STPG2: variants seen among roughly 807,000 people sequenced by gnomAD.
STPG2 encodes the protein sperm tail PG-rich repeat containing 2.
STPG2 carries 56 observed loss-of-function variants against 54.2 expected under a neutral mutation model. The observed-to-expected ratio is 1.03, with a 90% confidence interval of 0.83 to 1.29. The LOEUF is 1.29. Ranked by LOEUF, STPG2 falls within the 50% of genes most tolerant of loss-of-function variation. STPG2 has a pLI of 0.00. For synonymous variants in STPG2, 200 were observed against 181.8 expected (o/e 1.10, Z -0.81); for missense variants, 596 against 544.9 (o/e 1.09, Z -0.93).
At chr4:97,755,160 A>C (rs1725690675) in intron 9 of STPG2, among the ~76,000 whole-genome samples, 2 of 152,200 alleles carry the variant, frequency 1.3e-5, no homozygotes, top group African/African-American at 4.8e-5. Flanking sequence ...TCTCTAATAA[A>C]TAACTAATAA....
At chr4:98,126,279 A>G in intron 3 of STPG2, among the ~76,000 whole-genome samples, 1 of 152,156 alleles carries the variant, frequency 6.6e-6, no homozygotes, top group East Asian at 1.9e-4. Context: ...CAACTCCTGC[A>G]TCTCAGTGCC....
intron 9 of STPG2, among the ~76,000 whole-genome samples, chr4:97,836,016 T>C (rs534405053): frequency 5.7e-4 from 86 of 152,188 alleles, no homozygotes; most frequent in Admixed American, 2.1e-3. Flanking sequence ...AAATGGGATT[T>C]ACTCCTGGTG....
intron 10 of STPG2, among the ~76,000 whole-genome samples, chr4:97,657,146 GAATAA>G (rs914936719): frequency 1.4e-4 from 21 of 151,652 alleles, no homozygotes; most frequent in Non-Finnish European, 2.8e-4. Flanking sequence ...TGCAATAATG[GAATAA>G]AATAAGTGGA....
At chr4:97,463,020 A>G (rs1439737420) in intron 4 of STPG2, among the ~76,000 whole-genome samples, 2 of 152,162 alleles carry the variant, frequency 1.3e-5, no homozygotes, top group Non-Finnish European at 2.9e-5. Flanking sequence ...ATAAATGAGC[A>G]TAAATTTTAT....
At chr4:97,513,948 A>G (rs1731024928) in intron 4 of STPG2, among the ~76,000 whole-genome samples, 1 of 152,248 alleles carries the variant, frequency 6.6e-6, no homozygotes, top group Non-Finnish European at 1.5e-5. Flanking sequence ...CAGTGCTGTA[A>G]AAACAAAATA....
intron 8 of STPG2, among the ~76,000 whole-genome samples, chr4:97,903,477 A>C (rs183802220): frequency 9.9e-4 from 151 of 152,234 alleles, no homozygotes; most frequent in Middle Eastern, 3.4e-3. Context: ...AAATAAAGTA[A>C]ATAAAGGAGA....
rs1181219130 is a variant in STPG2 at position 97,981,056 on chromosome 4, T to C, written c.772+103A>G. Reference sequence around the variant, plus strand: ...TGTTGACTTAAAATGACACCAACCATAGGACAAAAAAGAAAACATACTCTC... The same window carrying C: ...TGTTGACTTAAAATGACACCAACCACAGGACAAAAAAGAAAACATACTCTC... On this transcript the variant is annotated intron_variant, in intron 6 of 10. Transcript: ENST00000295268. 3.1e-6 allele frequency: 4 copies of C among 1,270,132 alleles called. 1 individual carries two copies. Among genetic ancestry groups the C allele is most frequent in the Admixed American group, 2.4e-5 (1 of 40,950 alleles). The allele number at this position is 1,270,132 out of a possible 1,614,324, so 78.7% of individuals were successfully genotyped here.
chr4:97,605,542 CTTA>C (rs1480027835), intron 10 of STPG2, among the ~76,000 whole-genome samples: 3 of 151,630 alleles, frequency 2.0e-5, no homozygotes, highest in Non-Finnish European at 3.0e-5. Context: ...TATGTTGCCA[CTTA>C]TTATTAATAT....
chr4:97,756,002 C>T (rs556682492), intron 9 of STPG2, among the ~76,000 whole-genome samples: 5 of 152,216 alleles, frequency 3.3e-5, no homozygotes, highest in African/African-American at 1.2e-4. Flanking sequence ...TTTATGCTTC[C>T]GATTGGACCA....
At chr4:98,092,145 C>A (rs938084483) in intron 5 of STPG2, among the ~76,000 whole-genome samples, 1 of 152,024 alleles carries the variant, frequency 6.6e-6, no homozygotes, top group African/African-American at 2.4e-5. Context: ...TAAATATTTT[C>A]AATCTCTTCC....
chr4:97,561,940 A>G (rs533404396), intron 10 of STPG2, among the ~76,000 whole-genome samples: 2 of 152,198 alleles, frequency 1.3e-5, no homozygotes, highest in Admixed American at 1.3e-4. Context: ...TTTTGGTTCC[A>G]TATGAACTTT....
At chr4:97,458,249 A>C (rs1729576402) in intron 4 of STPG2, among the ~76,000 whole-genome samples, 1 of 152,210 alleles carries the variant, frequency 6.6e-6, no homozygotes. Context: ...AGAGTAGCCT[A>C]ATGTCCACTT....
At chr4:97,879,228 C>T (rs1224135741) in intron 8 of STPG2, among the ~76,000 whole-genome samples, 1 of 152,208 alleles carries the variant, frequency 6.6e-6, no homozygotes, top group Admixed American at 6.5e-5. Context: ...CTGAGGCTTT[C>T]AAACTCTTCC....
intron 9 of STPG2, among the ~76,000 whole-genome samples, chr4:97,809,647 G>C (rs994447003): frequency 9.9e-5 from 15 of 152,160 alleles, no homozygotes; most frequent in Admixed American, 9.8e-4. Context: ...CCCACTGGCT[G>C]ACAATCAGAA....
intron 8 of STPG2, among the ~76,000 whole-genome samples, chr4:97,908,219 C>G (rs1428984781): frequency 1.1e-4 from 16 of 152,184 alleles, no homozygotes; most frequent in Non-Finnish European, 2.1e-4. Flanking sequence ...TGAACACACA[C>G]TTCTCAAAAG....
Position 97,472,015 on chromosome 4 carries a change from G to A in STPG2, c.462+240684C>T, listed in dbSNP as rs529183645. Among the ~76,000 whole-genome samples, 4 of 152,168 alleles carry A rather than the reference G, an allele frequency of 2.6e-5. No homozygotes were observed. The South Asian group carries it at 6.2e-4, about 24-fold the overall frequency. ...CTGATTTATTTGAGAACATTTATGTGCATATTGAGTGTGAACAGTACTTTG... is the reference window on the plus strand; with the variant it reads ...CTGATTTATTTGAGAACATTTATGTACATATTGAGTGTGAACAGTACTTTG... On this transcript the variant is annotated intron_variant, in intron 4 of 4. Transcript: ENST00000522676.
At chr4:97,853,594 T>C (rs888944639) in intron 8 of STPG2, among the ~76,000 whole-genome samples, 5 of 152,310 alleles carry the variant, frequency 3.3e-5, no homozygotes, top group African/African-American at 1.2e-4. Flanking sequence ...TATTACTATT[T>C]CTCAGCATCA....
chr4:97,598,501 C>T (rs1334546394), intron 10 of STPG2, among the ~76,000 whole-genome samples: 1 of 151,780 alleles, frequency 6.6e-6, no homozygotes, highest in African/African-American at 2.4e-5. Flanking sequence ...CTTCACACTA[C>T]CCAACTTCAA....
intron 9 of STPG2, among the ~76,000 whole-genome samples, chr4:97,798,065 G>A (rs1427286536): frequency 1.3e-5 from 2 of 152,030 alleles, no homozygotes; most frequent in Non-Finnish European, 2.9e-5. Context: ...GCATCTATTT[G>A]ATTCTTCTCT....
Sources: allele counts gnomAD v4.1 joint callset (sites outside exome capture counted in the v4.1 genomes callset), GRCh38; gene constraint gnomAD v4.1.1; transcripts MANE v1.5; gene names NCBI Gene and HGNC (gene_info 2026-07-23, HGNC 2026-07-21).